Variants in AGBL4 observed in about 807,000 individuals in gnomAD.
The protein encoded by AGBL4 is AGBL carboxypeptidase 4.
Under a neutral mutation model 66.4 loss-of-function variants are expected in AGBL4, and 58 were observed. The observed-to-expected ratio is 0.87, with a 90% confidence interval of 0.71 to 1.09. The LOEUF is 1.09. Ranked by LOEUF, AGBL4 falls within the 50% of genes least tolerant of loss-of-function variation. The pLI, the probability that AGBL4 is intolerant of heterozygous loss-of-function variation, is 0.00. For missense variants in AGBL4, 579 were observed against 631.0 expected, an observed-to-expected ratio of 0.92 and a Z score of 0.88; for synonymous variants, 234 against 222.9, an observed-to-expected ratio of 1.05 and a Z score of -0.44.
At chr1:49,163,910 G>A (rs538149104) in intron 4 of AGBL4, among the ~76,000 whole-genome samples, 7 of 152,212 alleles carry the variant, frequency 4.6e-5, no homozygotes, top group Non-Finnish European at 7.3e-5. Flanking sequence ...ACTGGGCTGC[G>A]AAAGTTGGAA....
chr1:49,937,560 C>T (rs1654216634), intron 1 of AGBL4, among the ~76,000 whole-genome samples: 1 of 152,148 alleles, frequency 6.6e-6, no homozygotes, highest in Non-Finnish European at 1.5e-5. Flanking sequence ...CCACACCACA[C>T]CTATTCCAAA....
intron 4 of AGBL4, among the ~76,000 whole-genome samples, chr1:49,058,103 T>C (rs1644338826): frequency 6.6e-6 from 1 of 152,190 alleles, no homozygotes; most frequent in Non-Finnish European, 1.5e-5. Context: ...GGATAAAGGA[T>C]TAATCATTCA....
At chr1:48,909,867 T>C (rs1652937965) in intron 5 of AGBL4, among the ~76,000 whole-genome samples, 1 of 152,188 alleles carries the variant, frequency 6.6e-6, no homozygotes, top group African/African-American at 2.4e-5. Flanking sequence ...TATATTTATG[T>C]TTATGTTTCC....
chr1:49,864,661 A>G (rs1646657422), intron 1 of AGBL4, among the ~76,000 whole-genome samples: 1 of 152,160 alleles, frequency 6.6e-6, no homozygotes. Context: ...TGATCTGTGC[A>G]ACCCATGGAT....
chr1:49,787,195 A>C (rs1399940612), intron 2 of AGBL4, among the ~76,000 whole-genome samples: 1 of 152,072 alleles, frequency 6.6e-6, no homozygotes, highest in East Asian at 1.9e-4. Context: ...ACTACAACTC[A>C]ATCTAGACGC....
intron 2 of AGBL4, chr1:49,842,049 T>C: frequency 2.7e-6 from 1 of 376,600 alleles, no homozygotes; most frequent in Non-Finnish European, 5.0e-6. Flanking sequence ...CTCCTCCTTG[T>C]GCCCAGCCTC....
chr1:49,591,801 G>A (rs1644756620), intron 3 of AGBL4, among the ~76,000 whole-genome samples: 1 of 152,070 alleles, frequency 6.6e-6, no homozygotes, highest in Non-Finnish European at 1.5e-5. Flanking sequence ...ACAACCATCT[G>A]ATCTTCAAAA....
chr1:49,374,862 A>T (rs1286168675), intron 3 of AGBL4, among the ~76,000 whole-genome samples: 1 of 152,162 alleles, frequency 6.6e-6, no homozygotes, highest in East Asian at 1.9e-4. Flanking sequence ...TTAGTTGACC[A>T]TGTCATACCT....
intron 3 of AGBL4, among the ~76,000 whole-genome samples, chr1:49,414,817 C>T (rs898891892): frequency 3.3e-5 from 5 of 152,116 alleles, no homozygotes; most frequent in Non-Finnish European, 7.4e-5. Flanking sequence ...TCTTCATAGG[C>T]TTATTGTGAG....
chr1:49,682,308 G>A (rs993700513), intron 3 of AGBL4, among the ~76,000 whole-genome samples: 1 of 152,086 alleles, frequency 6.6e-6, no homozygotes, highest in African/African-American at 2.4e-5. Flanking sequence ...GGAGGCTGAG[G>A]CAGGAGAATC....
At chr1:49,312,410 T>C (rs1644958163) in intron 3 of AGBL4, among the ~76,000 whole-genome samples, 1 of 152,082 alleles carries the variant, frequency 6.6e-6, no homozygotes, top group African/African-American at 2.4e-5. Flanking sequence ...TAAATTTCTG[T>C]TTTTTATAAA....
rs111417260 is a variant in AGBL4 at position 48,945,638 on chromosome 1, T to C, written c.595-78408A>G. Among the ~76,000 whole-genome samples, 819 of 152,312 alleles carry C rather than the reference T, an allele frequency of 5.4e-3. 4 individuals are homozygous for C. The highest frequency in any genetic ancestry group is 0.01 in the South Asian group (50 of 4,822). On this transcript the variant is annotated intron_variant, in intron 5 of 13. Transcript: ENST00000371839. ...CCCTGTTCTGGTACCTGGTAAATAC[T>C]CAGTTAGAAGGGGGAAAAAACCACA... is the stretch of plus-strand genomic sequence containing the variant.
In AGBL4 at chr1:49,510,413, C is replaced by A. The variant is rs999198320; in HGVS notation, c.282+186900G>T. 1.0e-3 allele frequency among the ~76,000 whole-genome samples: 152 copies of A among 150,820 alleles called. 1 individual carries two copies. The highest frequency in any genetic ancestry group is 2.0e-3 in the Non-Finnish European group (133 of 67,674). On this transcript the variant is annotated intron_variant, in intron 3 of 13. Coordinates refer to ENST00000371839, the MANE Select transcript of AGBL4 (RefSeq NM_032785.4). ...GAAGTGTCTGTTCATGTCCTTTGCC[C>A]ACTTTTTGATGGGGTTGTTTGTTTT...
At chr1:49,600,629 T>C (rs1462840431) in intron 3 of AGBL4, among the ~76,000 whole-genome samples, 1 of 152,198 alleles carries the variant, frequency 6.6e-6, no homozygotes, top group Non-Finnish European at 1.5e-5. Flanking sequence ...AATATTGTTA[T>C]GTGTGAATTT....
intron 1 of AGBL4, among the ~76,000 whole-genome samples, chr1:49,989,226 A>G (rs1047038179): frequency 6.6e-6 from 1 of 152,216 alleles, no homozygotes; most frequent in Admixed American, 6.5e-5. Flanking sequence ...AATTTAACAG[A>G]AAACAGTATA....
intron 3 of AGBL4, among the ~76,000 whole-genome samples, chr1:49,610,132 G>A (rs926961906): frequency 5.3e-5 from 8 of 152,112 alleles, no homozygotes; most frequent in Admixed American, 2.0e-4. Context: ...AGTGTGCCCA[G>A]TACTTCACAA....
chr1:48,531,110 G>T (rs949190810), downstream of AGBL4, among the ~76,000 whole-genome samples: 2 of 152,130 alleles, frequency 1.3e-5, no homozygotes, highest in African/African-American at 4.8e-5. Flanking sequence ...CTGGGCTCTT[G>T]CTCAGTCCTT....
At chr1:49,203,078 T>A (rs1647842418) in intron 4 of AGBL4, among the ~76,000 whole-genome samples, 1 of 119,570 alleles carries the variant, frequency 8.4e-6, no homozygotes, top group East Asian at 2.5e-4. Context: ...CCCACTAGGA[T>A]GGCTACTATC....
chr1:49,767,061 T>A (rs1454949968), intron 2 of AGBL4, among the ~76,000 whole-genome samples: 2 of 151,982 alleles, frequency 1.3e-5, no homozygotes, highest in African/African-American at 4.8e-5. Flanking sequence ...AGAAGAAAAC[T>A]AGCAAAGACA....
Sources: allele counts gnomAD v4.1 joint callset (sites outside exome capture counted in the v4.1 genomes callset), GRCh38; gene constraint gnomAD v4.1.1; transcripts MANE v1.5; gene names NCBI Gene and HGNC (gene_info 2026-07-23, HGNC 2026-07-21).